The following PDS5B variants were observed in gnomAD, a reference collection of about 807,000 sequenced individuals.
PDS5B encodes PDS5 cohesin associated factor B, also known as sister chromatid cohesion protein PDS5 homolog B.
A neutral mutation model predicts 184.1 loss-of-function variants in PDS5B; 51 were observed. The ratio of observed to expected loss-of-function variants is 0.28; its 90% CI spans 0.22 to 0.35. PDS5B has a LOEUF of 0.35. Among genes scored for constraint, PDS5B ranks in the 10% least tolerant of loss-of-function variants. The probability of loss-of-function intolerance (pLI) is 1.00; values close to 1 mark genes in which losing one functional copy is unlikely to be tolerated. For missense variants in PDS5B, 1,180 were observed against 1,723.3 expected, an observed-to-expected ratio of 0.68 and a Z score of 5.58; for synonymous variants, 566 against 569.2, an observed-to-expected ratio of 0.99 and a Z score of 0.08.
chr13:32,726,966 CTGT>C (rs1427365388), intron 19 of PDS5B, among the ~76,000 whole-genome samples: 1 of 151,758 alleles, frequency 6.6e-6, no homozygotes, highest in African/African-American at 2.4e-5. Flanking sequence ...AGTTGTCTTT[CTGT>C]TGTTGTTTTT....
rs148228366 is a variant in PDS5B at position 32,636,519 on chromosome 13, G to T, written c.-19-12235G>T. ...GAGATGGAAAACCATTAGGTTAAGG[G>T]CATAGGCTTTGGAATCAGATATGGC... On this transcript the variant is annotated intron_variant, in intron 1 of 34. Coordinates refer to ENST00000315596, the MANE Select transcript of PDS5B (RefSeq NM_015032.4). Among the ~76,000 whole-genome samples, 27 of 152,294 alleles carry T rather than the reference G, an allele frequency of 1.8e-4. 1 individual carries two copies. Among genetic ancestry groups the T allele is most frequent in the African/African-American group, 6.3e-4 (26 of 41,552 alleles).
chr13:32,616,962 T>G (rs1212047019), intron 1 of PDS5B, among the ~76,000 whole-genome samples: 1 of 152,234 alleles, frequency 6.6e-6, no homozygotes, highest in Non-Finnish European at 1.5e-5. Context: ...ATTTAGATGA[T>G]CCTGTGCATT....
intron 19 of PDS5B, among the ~76,000 whole-genome samples, chr13:32,713,548 A>G (rs188718462): frequency 9.8e-5 from 15 of 152,338 alleles, no homozygotes; most frequent in East Asian, 5.8e-4. Flanking sequence ...ATAATTTAAT[A>G]TAAGTAGCAA....
At chr13:32,663,046 A>G (rs1172071762) in intron 6 of PDS5B, among the ~76,000 whole-genome samples, 5 of 152,150 alleles carry the variant, frequency 3.3e-5, no homozygotes, top group Admixed American at 3.3e-4. Flanking sequence ...ATAGCCTATA[A>G]CCAATACATT....
chr13:32,698,899 C>T (rs1250403170), intron 15 of PDS5B, among the ~76,000 whole-genome samples: 1 of 152,070 alleles, frequency 6.6e-6, no homozygotes, highest in Non-Finnish European at 1.5e-5. Flanking sequence ...ATTACAGTCA[C>T]CTGCCACCAC....
At chr13:32,764,293 T>C (rs1225103552) in intron 30 of PDS5B, among the ~76,000 whole-genome samples, 196 bp from the exon 31 acceptor site, 3 of 152,204 alleles carry the variant, frequency 2.0e-5, no homozygotes, top group African/African-American at 7.2e-5. Flanking sequence ...TTTTTGATTT[T>C]TAAAATTTTC....
At chr13:32,587,834 C>T (rs995429034) in intron 1 of PDS5B, among the ~76,000 whole-genome samples, 1 of 152,212 alleles carries the variant, frequency 6.6e-6, no homozygotes, top group Non-Finnish European at 1.5e-5. Flanking sequence ...GAAATAGTTT[C>T]GAAAACTTTG....
chr13:32,743,269 G>T (rs185007552), intron 23 of PDS5B, among the ~76,000 whole-genome samples: 3 of 152,102 alleles, frequency 2.0e-5, no homozygotes, highest in African/African-American at 7.2e-5. Context: ...TACTAGTCAG[G>T]TGAACTTCAG....
intron 7 of PDS5B, among the ~76,000 whole-genome samples, chr13:32,670,929 C>A (rs1471922995): frequency 7.2e-5 from 11 of 152,134 alleles, no homozygotes; most frequent in Admixed American, 7.2e-4. Flanking sequence ...GAATTTATTA[C>A]TGACTGGTGA....
At chr13:32,761,917 C>T (rs1954415466) in intron 30 of PDS5B, among the ~76,000 whole-genome samples, 1 of 152,140 alleles carries the variant, frequency 6.6e-6, no homozygotes, top group East Asian at 1.9e-4. Flanking sequence ...ATTCACATTC[C>T]CACCAACAAC....
rs1271724658 is a variant in PDS5B, at chr13:32,776,601, G to GA, written c.*1555dup. The GA allele has an allele frequency of 2.0e-5, 3 of 151,926 alleles. No homozygotes were observed. The highest frequency in any genetic ancestry group is 1.3e-4 in the Admixed American group (2 of 15,240). 9.4% of individuals were successfully genotyped at this position (151,926 alleles called of 1,614,324 possible). On this transcript the variant is annotated 3_prime_UTR_variant, in exon 35 of 35. Coordinates refer to ENST00000315596, the MANE Select transcript of PDS5B (RefSeq NM_015032.4). ...TTTTTTCATGGTTAACACCAGAGGG[G>GA]AAAAAATCATATTCTAACTTATTAA...
chr13:32,661,737 G>GAGA (rs1288838789), intron 6 of PDS5B, among the ~76,000 whole-genome samples: 7 of 152,050 alleles, frequency 4.6e-5, no homozygotes, highest in Non-Finnish European at 8.8e-5. Context: ...TCCTGAAATT[G>GAGA]TGGAATACTG....
Position 32,753,543 on chromosome 13 carries a change from A to C in PDS5B, c.2941+7A>C, listed in dbSNP as rs775179359. ...CAGCATGCAGCTGTTAGTGGTAAGCATATAAGAAAATGGAAAGGATACTTT... is the reference window on the plus strand; with the variant it reads ...CAGCATGCAGCTGTTAGTGGTAAGCCTATAAGAAAATGGAAAGGATACTTT... On this transcript the variant is annotated splice_region_variant and intron_variant, in intron 25 of 34. Coordinates refer to ENST00000315596, the MANE Select transcript of PDS5B (RefSeq NM_015032.4). The C allele has an allele frequency of 5.7e-6, 9 of 1,585,904 alleles. No homozygotes were observed. In the South Asian group the frequency reaches 1.0e-4, roughly 18 times the overall value.
chr13:32,661,022 AATG>A (rs1950628527), intron 6 of PDS5B, among the ~76,000 whole-genome samples: 1 of 152,214 alleles, frequency 6.6e-6, no homozygotes, highest in Non-Finnish European at 1.5e-5. Context: ...TGAAAGGAGT[AATG>A]ATAAGAGGTA....
intron 1 of PDS5B, among the ~76,000 whole-genome samples, chr13:32,629,066 G>T (rs1012539760): frequency 6.6e-6 from 1 of 152,064 alleles, no homozygotes; most frequent in Non-Finnish European, 1.5e-5. Context: ...ACAGATCACC[G>T]GTTTTCAAAT....
chr13:32,655,374 A>ATATATATATATATTTTTTTTT, intron 3 of PDS5B, among the ~76,000 whole-genome samples: 10 of 72,462 alleles, frequency 1.4e-4, no homozygotes, highest in African/African-American at 7.4e-4. Context: ...ATATATATAT[A>ATATATATATATATTTTTTTTT]TTTTTTTTTT....
chr13:32,640,506 C>G (rs2058642278), intron 1 of PDS5B, among the ~76,000 whole-genome samples: 1 of 152,068 alleles, frequency 6.6e-6, no homozygotes, highest in Admixed American at 6.5e-5. Context: ...TTTGGGCTCC[C>G]AAAGTGCTGA....
At position 32,655,359 on chromosome 13, in the gene PDS5B, C is replaced by CATATATATATATATATATATAT. The variant is rs1177251327; in HGVS notation, c.313-2864_313-2863insATATATATATATATATATATAT. ...AAAAGTATCTCTTCATGTTCTTTGC[C>CATATATATATATATATATATAT]ATATATATATATATATTTTTTTTTT... On this transcript the variant is annotated intron_variant, in intron 3 of 34. Transcript: ENST00000315596. 1.2e-3 allele frequency among the ~76,000 whole-genome samples: 46 copies of CATATATATATATATATATATAT among 39,578 alleles called. 3 individuals are homozygous for CATATATATATATATATATATAT. Among genetic ancestry groups the CATATATATATATATATATATAT allele is most frequent in the South Asian group, 1.7e-3 (1 of 580 alleles). 26.0% of individuals were successfully genotyped at this position (39,578 alleles called of 152,430 possible).
chr13:32,744,435 G>A (rs1034078861), intron 23 of PDS5B, among the ~76,000 whole-genome samples: 5 of 152,066 alleles, frequency 3.3e-5, no homozygotes, highest in African/African-American at 1.2e-4. Flanking sequence ...TTCCTTAAGT[G>A]GGAAGCTTGC....
Sources: allele counts gnomAD v4.1 joint callset (sites outside exome capture counted in the v4.1 genomes callset), GRCh38; gene constraint gnomAD v4.1.1; transcripts MANE v1.5; gene names NCBI Gene and HGNC (gene_info 2026-07-23, HGNC 2026-07-21).